The following SPAG16 variants were observed in gnomAD, a reference collection of about 807,000 sequenced individuals.
SPAG16 encodes sperm-associated antigen 16 protein.
In SPAG16, 86 loss-of-function variants were observed where a neutral mutation model predicts 80.4. The observed-to-expected ratio is 1.07, with a 90% CI of 0.90 to 1.28. SPAG16 has a LOEUF of 1.28. Ranked by LOEUF, SPAG16 falls within the 50% of genes most tolerant of loss-of-function variation. The pLI is 0.00. For missense variants in SPAG16, 870 were observed against 765.3 expected (o/e 1.14, Z -1.61); for synonymous variants, 294 against 265.9 (o/e 1.11, Z -1.03).
At chr2:213,654,385 T>A (rs1413376454) in intron 10 of SPAG16, among the ~76,000 whole-genome samples, 1 of 150,628 alleles carries the variant, frequency 6.6e-6, no homozygotes, top group East Asian at 2.0e-4. Flanking sequence ...TTGTTTGTTT[T>A]AATGTTAGCA....
intron 13 of SPAG16, among the ~76,000 whole-genome samples, chr2:214,092,533 C>A (rs192547990): frequency 3.1e-4 from 47 of 150,872 alleles, no homozygotes; most frequent in African/African-American, 1.1e-3. Context: ...GGCCCTTTAT[C>A]TGTTTATCTG....
At chr2:213,788,195 T>A (rs1174277145) in intron 10 of SPAG16, among the ~76,000 whole-genome samples, 1 of 151,946 alleles carries the variant, frequency 6.6e-6, no homozygotes, top group Non-Finnish European at 1.5e-5. Flanking sequence ...ATGTTGTTTA[T>A]CATAGCAACT....
chr2:214,162,625 C>G (rs765849041), intron 15 of SPAG16, among the ~76,000 whole-genome samples: 12 of 152,068 alleles, frequency 7.9e-5, no homozygotes, highest in Non-Finnish European at 1.6e-4. Context: ...AACTTCAAAC[C>G]AATAGACACA....
At chr2:213,617,707 G>A (rs1415957416) in intron 10 of SPAG16, among the ~76,000 whole-genome samples, 1 of 152,264 alleles carries the variant, frequency 6.6e-6, no homozygotes, top group East Asian at 1.9e-4. Context: ...TAGCTACTGG[G>A]GAGGCTGAGT....
chr2:213,555,954 G>A (rs1427394185), intron 10 of SPAG16, among the ~76,000 whole-genome samples: 2 of 151,936 alleles, frequency 1.3e-5, no homozygotes, highest in Non-Finnish European at 2.9e-5. Context: ...TAAAATGGGG[G>A]GTGGAATGAA....
chr2:213,462,961 A>T (rs1171368464), intron 9 of SPAG16, among the ~76,000 whole-genome samples: 14 of 152,210 alleles, frequency 9.2e-5, no homozygotes, highest in Admixed American at 9.2e-4. Context: ...TCAGAAGAAG[A>T]CACAAAGATT....
chr2:214,101,152 T>G (rs1279410619), intron 13 of SPAG16, among the ~76,000 whole-genome samples: 1 of 152,146 alleles, frequency 6.6e-6, no homozygotes, highest in Non-Finnish European at 1.5e-5. Flanking sequence ...TACTTAATTT[T>G]TTTTTCAAAT....
intron 9 of SPAG16, among the ~76,000 whole-genome samples, chr2:213,428,385 C>T (rs553848239): frequency 6.6e-6 from 1 of 152,270 alleles, no homozygotes; most frequent in South Asian, 2.1e-4. Context: ...CACTAGGAAG[C>T]ACCCCAAGCA....
At chr2:213,946,341 C>CCAATTTT (rs2079467012) in intron 12 of SPAG16, among the ~76,000 whole-genome samples, 51 of 152,144 alleles carry the variant, frequency 3.4e-4, no homozygotes, top group African/African-American at 9.4e-4. Context: ...TCTTGAACTC[C>CCAATTTT]TGACCTCGAG....
intron 10 of SPAG16, among the ~76,000 whole-genome samples, chr2:213,817,755 G>A (rs2125684846): frequency 6.6e-6 from 1 of 152,176 alleles, no homozygotes; most frequent in Non-Finnish European, 1.5e-5. Flanking sequence ...ACTTATAAGT[G>A]GTAGCTGAAC....
At position 213,319,776 on chromosome 2, in the gene SPAG16, G is replaced by A. The variant is rs73987974; in HGVS notation, c.536+2420G>A. The stretch of plus-strand genomic sequence containing the variant: ...AGTCATTGTCAAGTACTGGTTGTTT[G>A]TTGAATATTATGTTTAATAGCAATA... On this transcript the variant is annotated intron_variant, in intron 5 of 15. Transcript: ENST00000331683. Among the ~76,000 whole-genome samples the A allele has an allele frequency of 2.5e-3, 387 of 152,030 alleles. 3 individuals are homozygous for A. Among genetic ancestry groups the A allele is most frequent in the African/African-American group, 8.5e-3 (355 of 41,542 alleles).
chr2:214,097,417 A>G (rs13384391), intron 13 of SPAG16, among the ~76,000 whole-genome samples: 14,033 of 152,052 alleles, frequency 0.092, 825 homozygotes, highest in East Asian at 0.29. Flanking sequence ...GGTGCACTTG[A>G]AGTGGCTAAG....
chr2:213,400,547 G>C (rs898890839), intron 9 of SPAG16, among the ~76,000 whole-genome samples: 2 of 152,068 alleles, frequency 1.3e-5, no homozygotes, highest in African/African-American at 4.8e-5. Context: ...AATTTCTTGG[G>C]AGTTGCTATG....
intron 15 of SPAG16, among the ~76,000 whole-genome samples, chr2:214,206,340 C>T (rs1183895039): frequency 6.6e-6 from 1 of 152,118 alleles, no homozygotes. Context: ...ATGAGATTAA[C>T]GTTTTTAGCT....
At chr2:213,804,470 T>A (rs991259046) in intron 10 of SPAG16, among the ~76,000 whole-genome samples, 2 of 151,980 alleles carry the variant, frequency 1.3e-5, no homozygotes, top group African/African-American at 2.4e-5. Flanking sequence ...GATCACAAGG[T>A]CAAGAGATCG....
chr2:213,528,681 A>G (rs79291285), intron 10 of SPAG16, among the ~76,000 whole-genome samples: 1,803 of 152,266 alleles, frequency 0.012, 37 homozygotes, highest in African/African-American at 0.04. Context: ...CCTTTCTTGT[A>G]TCTAAATCAG....
chr2:213,303,184 C>T (rs781238139), intron 3 of SPAG16, among the ~76,000 whole-genome samples: 3 of 152,006 alleles, frequency 2.0e-5, no homozygotes, highest in Non-Finnish European at 4.4e-5. Context: ...TCTCCCATGA[C>T]ATTTGAATTG....
intron 10 of SPAG16, among the ~76,000 whole-genome samples, chr2:213,603,498 G>A (rs1398950629): frequency 3.3e-5 from 5 of 152,046 alleles, no homozygotes; most frequent in Admixed American, 2.0e-4. Flanking sequence ...GTCTCACTGA[G>A]GGAATTCACG....
intron 12 of SPAG16, among the ~76,000 whole-genome samples, chr2:213,985,673 G>T (rs1007981561): frequency 1.2e-4 from 18 of 152,064 alleles, no homozygotes; most frequent in Admixed American, 1.1e-3. Flanking sequence ...CTGGCTGAAT[G>T]CAAACTGGGA....
Sources: allele counts gnomAD v4.1 joint callset (sites outside exome capture counted in the v4.1 genomes callset), GRCh38; gene constraint gnomAD v4.1.1; transcripts MANE v1.5; gene names NCBI Gene and HGNC (gene_info 2026-07-23, HGNC 2026-07-21).